The following SORBS2 variants were observed in gnomAD, a reference collection of about 807,000 sequenced individuals.
The protein encoded by SORBS2 is sorbin and SH3 domain-containing protein 2.
Under a neutral mutation model 97.7 loss-of-function variants are expected in SORBS2, and 46 were observed. The ratio of observed to expected loss-of-function variants is 0.47; its 90% confidence interval spans 0.37 to 0.60. The LOEUF (loss-of-function observed/expected upper bound fraction) is 0.60, where lower values mean the gene tolerates loss of function less well. Among genes scored for constraint, SORBS2 ranks in the 20% least tolerant of loss-of-function variants. SORBS2 has a pLI of 0.00. For missense variants in SORBS2, 1,316 were observed against 1,282.3 expected, an observed-to-expected ratio of 1.03 and a Z score of -0.40; for synonymous variants, 476 against 473.4, an observed-to-expected ratio of 1.01 and a Z score of -0.07.
intron 2 of SORBS2, among the ~76,000 whole-genome samples, chr4:185,704,986 G>A (rs1421644265): frequency 6.6e-6 from 1 of 152,200 alleles, no homozygotes. Context: ...ATGTTCCAGT[G>A]TCACACAGGT....
chr4:185,872,711 G>C (rs2099231070), intron 1 of SORBS2, among the ~76,000 whole-genome samples: 1 of 152,176 alleles, frequency 6.6e-6, no homozygotes, highest in South Asian at 2.1e-4. Context: ...AGAGAAATGT[G>C]GTTGGGGAGA....
At chr4:185,642,789 T>A (rs2097147758) in intron 4 of SORBS2, among the ~76,000 whole-genome samples, 2 of 152,240 alleles carry the variant, frequency 1.3e-5, no homozygotes, top group African/African-American at 4.8e-5. Flanking sequence ...ACTACCCCCC[T>A]GCCTTCTCTG....
At chr4:185,717,339 C>T (rs2098474265) in intron 2 of SORBS2, among the ~76,000 whole-genome samples, 1 of 152,208 alleles carries the variant, frequency 6.6e-6, no homozygotes, top group Non-Finnish European at 1.5e-5. Context: ...TCTGTTACTT[C>T]CTGTGAGATA....
chr4:185,640,236 TGA>T (rs1561594440), intron 4 of SORBS2, among the ~76,000 whole-genome samples: 1 of 152,164 alleles, frequency 6.6e-6, no homozygotes, highest in East Asian at 1.9e-4. Flanking sequence ...ATGCTTACAA[TGA>T]GATACCAAGC....
chr4:185,881,095 AGCATCAT>A (rs1418159379), intron 1 of SORBS2, among the ~76,000 whole-genome samples: 1 of 152,246 alleles, frequency 6.6e-6, no homozygotes, highest in Non-Finnish European at 1.5e-5. Context: ...AAATTTTATT[AGCATCAT>A]GCAAGGACTT....
At chr4:185,678,355 A>T in intron 4 of SORBS2, 68 bp downstream of exon 7, 2 of 1,283,624 alleles carry the variant, frequency 1.6e-6, no homozygotes, top group Non-Finnish European at 2.1e-6. Flanking sequence ...ATTAGGAAAG[A>T]GGCTGTAAGC....
intron 2 of SORBS2, among the ~76,000 whole-genome samples, chr4:185,748,272 C>T (rs191841242): frequency 3.3e-5 from 5 of 152,110 alleles, no homozygotes; most frequent in Admixed American, 6.5e-5. Flanking sequence ...CCTCGGCGTG[C>T]GAGGAGTGCA....
At chr4:185,947,831 G>A (rs1217563231) in intron 1 of SORBS2, among the ~76,000 whole-genome samples, 7 of 152,082 alleles carry the variant, frequency 4.6e-5, no homozygotes, top group African/African-American at 1.2e-4. Context: ...GGCTGGTCTC[G>A]AACTCCTGAC....
At chr4:185,741,688 C>T (rs894209797) in intron 2 of SORBS2, among the ~76,000 whole-genome samples, 1 of 152,064 alleles carries the variant, frequency 6.6e-6, no homozygotes, top group South Asian at 2.1e-4. Context: ...ATCACATACT[C>T]CTGCTCTTGT....
At chr4:185,891,534 A>G (rs990278077) in intron 1 of SORBS2, among the ~76,000 whole-genome samples, 2 of 152,258 alleles carry the variant, frequency 1.3e-5, no homozygotes, top group African/African-American at 2.4e-5. Flanking sequence ...ATTGTGTACT[A>G]GAACCTAAGA....
At position 185,769,736 on chromosome 4, in the gene SORBS2, C is replaced by T. The variant is rs147679088; in HGVS notation, c.-198+5491G>A. On this transcript the variant is annotated intron_variant, in intron 2 of 20. Transcript: ENST00000284776. Reference sequence around the variant, plus strand: ...AACTCCCGACCTCAGGTGATCCACCCGCCTTGGCCTCCGAAAGTGCTGGGA... The same window carrying T: ...AACTCCCGACCTCAGGTGATCCACCTGCCTTGGCCTCCGAAAGTGCTGGGA... Among the ~76,000 whole-genome samples the T allele has an allele frequency of 9.8e-4, 150 of 152,308 alleles. 1 individual carries two copies. In the East Asian group the frequency reaches 0.024, roughly 25 times the overall value.
At chr4:185,845,806 G>A (rs1462564681) in intron 1 of SORBS2, among the ~76,000 whole-genome samples, 2 of 152,246 alleles carry the variant, frequency 1.3e-5, no homozygotes, top group African/African-American at 2.4e-5. Context: ...ATATGGACAT[G>A]ATAAATGCTC....
chr4:185,604,641 T>G (rs2096363250), intron 12 of SORBS2, among the ~76,000 whole-genome samples: 1 of 152,236 alleles, frequency 6.6e-6, no homozygotes, highest in African/African-American at 2.4e-5. Context: ...CTAATAACCT[T>G]GGGAAGTTAT....
intron 2 of SORBS2, among the ~76,000 whole-genome samples, chr4:185,768,849 C>G (rs1338121271): frequency 6.6e-6 from 1 of 152,080 alleles, no homozygotes; most frequent in African/African-American, 2.4e-5. Context: ...TACACCAGAT[C>G]AAGGTATTGA....
intron 2 of SORBS2, among the ~76,000 whole-genome samples, chr4:185,710,608 A>G (rs2098410799): frequency 6.6e-6 from 1 of 152,148 alleles, no homozygotes; most frequent in Admixed American, 6.5e-5. Context: ...TATGGTCATT[A>G]GATTCTAGTA....
chr4:185,857,433 A>T (rs1366362213), intron 1 of SORBS2, among the ~76,000 whole-genome samples: 3 of 152,092 alleles, frequency 2.0e-5, no homozygotes, highest in African/African-American at 7.2e-5. Context: ...TAACTGTACA[A>T]ATTGTTTGTA....
intron 2 of SORBS2, among the ~76,000 whole-genome samples, chr4:185,685,397 T>C (rs535190697): frequency 6.6e-6 from 1 of 152,222 alleles, no homozygotes. Flanking sequence ...GAGGAACACA[T>C]GGCATCATGG....
chr4:185,624,776 CCTA>C (rs774585439), intron 6 of SORBS2, among the ~76,000 whole-genome samples: 4 of 152,216 alleles, frequency 2.6e-5, no homozygotes, highest in Non-Finnish European at 4.4e-5. Context: ...TACACCTACT[CCTA>C]CTGCATAATT....
chr4:185,892,609 G>A (rs2099243060), intron 1 of SORBS2, among the ~76,000 whole-genome samples: 1 of 152,186 alleles, frequency 6.6e-6, no homozygotes, highest in Admixed American at 6.5e-5. Context: ...GGAAATCCTG[G>A]CACATGTCGC....
Sources: allele counts gnomAD v4.1 joint callset (sites outside exome capture counted in the v4.1 genomes callset), GRCh38; gene constraint gnomAD v4.1.1; transcripts MANE v1.5; gene names NCBI Gene and HGNC (gene_info 2026-07-23, HGNC 2026-07-21).